Variants in HLA-DRB1 observed in about 807,000 individuals in gnomAD.
HLA-DRB1 encodes the protein major histocompatibility complex, class II, DR beta 1.
In HLA-DRB1, 10 loss-of-function variants were observed where a neutral mutation model predicts 27.9. That is an observed-to-expected ratio of 0.36 (90% CI 0.22 to 0.61). HLA-DRB1 has a LOEUF of 0.61. Among genes scored for constraint, HLA-DRB1 ranks in the 20% least tolerant of loss-of-function variants. HLA-DRB1 has a pLI of 0.73. For synonymous variants in HLA-DRB1, 57 were observed against 126.7 expected, an observed-to-expected ratio of 0.45 and a Z score of 3.69; for missense variants, 118 against 306.3, an observed-to-expected ratio of 0.39 and a Z score of 4.59.
At chr6:32,579,026 A>G (rs3180268) in exon 6 of HLA-DRB1, 59,574 of 409,290 alleles carry the variant, frequency 0.15, 13,636 homozygotes, top group African/African-American at 0.42. Flanking sequence ...ACTGCCAAGC[A>G]GGAAAGCTTT....
At chr6:32,589,506 G>A (rs879319359) in intron 1 of HLA-DRB1, 137 bp downstream of exon 1, 43,345 of 330,864 alleles carry the variant, frequency 0.13, 8,482 homozygotes, top group East Asian at 0.21. Context: ...GAAATAATTT[G>A]GGATCCAATG....
At chr6:32,585,669 G>A (rs9270035) in intron 1 of HLA-DRB1, among the ~76,000 whole-genome samples, 82,693 of 103,080 alleles carry the variant, frequency 0.8, 34,389 homozygotes, top group Middle Eastern at 0.86. Context: ...TCATTCTGAA[G>A]ACATAGGGCA....
rs1266996983 is a variant in HLA-DRB1 at position 32,586,252 on chromosome 6, TTCCCTGAAGCTC to T, written c.101-1886_101-1875del. On this transcript the variant is annotated intron_variant, in intron 1 of 5. Coordinates refer to ENST00000360004, the Ensembl canonical transcript of HLA-DRB1. ...GCTCCCTGAACCCAGAGAACAATCCTTCCCTGAAGCTCTCTACTCAAAACAGTCAACCTTAAC... is the reference window on the plus strand; with the variant it reads ...GCTCCCTGAACCCAGAGAACAATCCTTCTACTCAAAACAGTCAACCTTAAC... Among the ~76,000 whole-genome samples the T allele has an allele frequency of 6.1e-4, 47 of 77,080 alleles. 1 individual carries two copies. Among genetic ancestry groups the T allele is most frequent in the African/African-American group, 2.6e-3 (47 of 17,968 alleles). The allele number at this position is 77,080 out of a possible 152,430, so 50.6% of individuals were successfully genotyped here. A position where few individuals can be genotyped will look rare whatever the true frequency, so the allele number is the denominator to read the frequency against.
At chr6:32,583,076 A>C (rs1477798560) in intron 2 of HLA-DRB1, among the ~76,000 whole-genome samples, 1 of 122,382 alleles carries the variant, frequency 8.2e-6, no homozygotes, top group East Asian at 2.4e-4. Flanking sequence ...AAGTGTTAAT[A>C]ATCTTATAGT....
chr6:32,583,794 A>C (rs9269922), intron 2 of HLA-DRB1, among the ~76,000 whole-genome samples: 485 of 38,052 alleles, frequency 0.013, 6 homozygotes, highest in Middle Eastern at 0.025. Flanking sequence ...TCCAGCCCCC[A>C]GCACCCACCT....
chr6:32,584,193 T>C, exon 2 of HLA-DRB1: 1 of 1,051,868 alleles, frequency 9.5e-7, no homozygotes, highest in South Asian at 1.4e-5. Context: ...TGCTCCAGGA[T>C]GTCCTTCTGG....
chr6:32,589,480 A>G (rs28366211), intron 1 of HLA-DRB1, among the ~76,000 whole-genome samples, 163 bp downstream of exon 1: 4 of 81,934 alleles, frequency 4.9e-5, no homozygotes, highest in Non-Finnish European at 1.1e-4. Flanking sequence ...CAAGTACCCA[A>G]GCTCCTTTTA....
chr6:32,581,209 C>A (rs1224946148), intron 3 of HLA-DRB1, among the ~76,000 whole-genome samples: 2 of 95,342 alleles, frequency 2.1e-5, no homozygotes, highest in African/African-American at 8.1e-5. Context: ...CACTTCTCCT[C>A]TTCCCAGATC....
In HLA-DRB1 at chr6:32,582,862, A is replaced by G. The variant is rs9269866; in HGVS notation, c.371-1024T>C. On this transcript the variant is annotated intron_variant, in intron 2 of 5. Coordinates refer to ENST00000360004, the Ensembl canonical transcript of HLA-DRB1. ...CGACACTAGCATACTCTCAATAAAT[A>G]CAACTATTTTTTTAGAAGTAAGGAG... Among the ~76,000 whole-genome samples the G allele has an allele frequency of 8.0e-3, 384 of 47,742 alleles. 5 individuals carry two copies. The highest frequency in any genetic ancestry group is 0.022 in the African/African-American group (304 of 13,596). The allele number at this position is 47,742 out of a possible 152,430, so 31.3% of individuals were successfully genotyped here. A position where few individuals can be genotyped will look rare whatever the true frequency, so the allele number is the denominator to read the frequency against.
rs796119997 is a variant in HLA-DRB1, at chr6:32,586,845, A to G, written c.101-2467T>C. Among the ~76,000 whole-genome samples the G allele has an allele frequency of 3.0e-3, 278 of 91,500 alleles. No homozygotes were observed. The East Asian group carries it at 0.04, about 13-fold the overall frequency. The allele number at this position is 91,500 out of a possible 152,430, so 60.0% of individuals were successfully genotyped here. ...CTACCACCCATTTATTTGTCAAAAGAAAATCCTTAGGAATAAGCTTGATTG... is the reference window on the plus strand; with the variant it reads ...CTACCACCCATTTATTTGTCAAAAGGAAATCCTTAGGAATAAGCTTGATTG... On this transcript the variant is annotated intron_variant, in intron 1 of 5. Coordinates refer to ENST00000360004, the Ensembl canonical transcript of HLA-DRB1.
At chr6:32,586,134 G>A (rs113312076) in intron 1 of HLA-DRB1, among the ~76,000 whole-genome samples, 2,659 of 30,332 alleles carry the variant, frequency 0.088, 152 homozygotes, top group Middle Eastern at 0.26. Flanking sequence ...GGGGCTCTCC[G>A]TATTTCCTCG....
At chr6:32,589,048 AAAGG>A (rs2150817769) in intron 1 of HLA-DRB1, among the ~76,000 whole-genome samples, 1 of 113,350 alleles carries the variant, frequency 8.8e-6, no homozygotes, top group African/African-American at 3.2e-5. Context: ...TCCCCACAAG[AAAGG>A]AAGAGCACTA....
intron 2 of HLA-DRB1, among the ~76,000 whole-genome samples, chr6:32,582,554 T>G (rs9269854): frequency 0.57 from 41,543 of 73,100 alleles, 14,155 homozygotes; most frequent in Middle Eastern, 0.8. Context: ...CAACAGAAAT[T>G]GTTCTGCCCC....
chr6:32,587,429 T>A (rs9270140), intron 1 of HLA-DRB1, among the ~76,000 whole-genome samples: 17,583 of 39,108 alleles, frequency 0.45, 7,659 homozygotes, highest in Non-Finnish European at 0.48. Context: ...TAAAATTTAA[T>A]TTTTTTTTAC....
chr6:32,589,347 TA>T (rs1777015157), intron 1 of HLA-DRB1, among the ~76,000 whole-genome samples: 1 of 147,188 alleles, frequency 6.8e-6, no homozygotes, highest in African/African-American at 2.5e-5. Flanking sequence ...GAATTTATTT[TA>T]GAATCCTTAT....
At chr6:32,589,439 A>G (rs9270275) in intron 1 of HLA-DRB1, among the ~76,000 whole-genome samples, 1,907 of 69,530 alleles carry the variant, frequency 0.027, 2 homozygotes, top group African/African-American at 0.058. Context: ...GATTTGTGCA[A>G]AGGCCCCTTA....
intron 2 of HLA-DRB1, among the ~76,000 whole-genome samples, chr6:32,583,680 T>C (rs35773199): frequency 3.3e-4 from 20 of 61,378 alleles, no homozygotes; most frequent in African/African-American, 9.7e-4. Flanking sequence ...AAACCTGCCT[T>C]ACCCCTCAGC....
At chr6:32,582,063 G>A (rs11755895) in intron 2 of HLA-DRB1, among the ~76,000 whole-genome samples, 20,926 of 91,334 alleles carry the variant, frequency 0.23, 2,761 homozygotes, top group Middle Eastern at 0.4. Flanking sequence ...TTTCTTCATA[G>A]TTTTAAATCG....
intron 1 of HLA-DRB1, among the ~76,000 whole-genome samples, chr6:32,588,854 C>T (rs34698520): frequency 0.45 from 54,508 of 120,266 alleles, 13,269 homozygotes; most frequent in African/African-American, 0.57. Flanking sequence ...AGTTAGAGCA[C>T]ATAGGAGATG....
Sources: gnomAD v4.1 joint callset for allele counts (sites outside exome capture counted in the v4.1 genomes callset) on GRCh38, gnomAD v4.1.1 for gene constraint, MANE v1.5 for transcripts, NCBI Gene and HGNC (gene_info 2026-07-23, HGNC 2026-07-21) for gene names.